The following PRMT8 variants were observed in gnomAD, a reference collection of about 807,000 sequenced individuals.
The protein encoded by PRMT8 is protein arginine methyltransferase 8.
PRMT8 carries 7 observed loss-of-function variants against 47.1 expected under a neutral mutation model. The ratio of observed to expected loss-of-function variants is 0.15; its 90% CI spans 0.08 to 0.28. PRMT8 has a LOEUF of 0.28. PRMT8 is among the 10% of genes least tolerant of loss of function. The pLI is 1.00. For missense variants in PRMT8, 237 were observed against 505.4 expected (o/e 0.47, Z 5.09); for synonymous variants, 188 against 186.5 (o/e 1.01, Z -0.07).
At chr12:3,558,547 G>C (rs1161757844) in intron 4 of PRMT8, among the ~76,000 whole-genome samples, 1 of 152,206 alleles carries the variant, frequency 6.6e-6, no homozygotes, top group Non-Finnish European at 1.5e-5. Context: ...ATTTCGTTCA[G>C]AATGACACGT....
At chr12:3,506,395 A>C (rs1865625047) in intron 1 of PRMT8, among the ~76,000 whole-genome samples, 1 of 152,234 alleles carries the variant, frequency 6.6e-6, no homozygotes, top group Non-Finnish European at 1.5e-5. Flanking sequence ...GCACTGGAAG[A>C]GACGGGAGCA....
chr12:3,440,480 A>AAACAG (rs113481712), intron 1 of PRMT8, among the ~76,000 whole-genome samples: 3,087 of 151,472 alleles, frequency 0.02, 116 homozygotes, highest in African/African-American at 0.068. Context: ...AAACAAAACA[A>AAACAG]AACAAAACAA....
intron 1 of PRMT8, among the ~76,000 whole-genome samples, chr12:3,529,370 T>A (rs2137151144): frequency 6.6e-6 from 1 of 152,344 alleles, no homozygotes; most frequent in African/African-American, 2.4e-5. Flanking sequence ...TTCTTATCTT[T>A]TATCTGTTTT....
At chr12:3,477,752 C>T (rs1168452590) in intron 1 of PRMT8, among the ~76,000 whole-genome samples, 1 of 152,154 alleles carries the variant, frequency 6.6e-6, no homozygotes, top group Non-Finnish European at 1.5e-5. Context: ...TGCTCCTGTA[C>T]CCGAATGGGC....
intron 1 of PRMT8, among the ~76,000 whole-genome samples, chr12:3,388,041 T>TTTCCTTCCTTCC (rs779899991): frequency 0.059 from 7,987 of 135,966 alleles, 345 homozygotes; most frequent in African/African-American, 0.073. Flanking sequence ...TTTCTCCTTC[T>TTTCCTTCCTTCC]TTCCTTCCTT....
chr12:3,492,423 G>A lies in PRMT8; in HGVS notation c.75+723G>A, dbSNP rs1213495878. 6.6e-6 allele frequency among the ~76,000 whole-genome samples: 1 copy of A among 152,208 alleles called. No homozygotes were observed. The highest frequency in any genetic ancestry group is 6.5e-5 in the Admixed American group (1 of 15,286). ...CCCCTGCAGCAGCCGAGCCTGCGCGGACTGTGGGGGCTGCGCGCCGCCGGC... is the reference window on the plus strand; with the variant it reads ...CCCCTGCAGCAGCCGAGCCTGCGCGAACTGTGGGGGCTGCGCGCCGCCGGC... On this transcript the variant is annotated intron_variant, in intron 1 of 9. Coordinates refer to ENST00000382622, the MANE Select transcript of PRMT8 (RefSeq NM_019854.5). This position sits in a 1 kb window ranked among gnomAD's most constrained non-coding sequence, Gnocchi z 7.5.
chr12:3,390,716 T>C (rs1456672554), intron 1 of PRMT8, among the ~76,000 whole-genome samples: 1 of 152,228 alleles, frequency 6.6e-6, no homozygotes, highest in Non-Finnish European at 1.5e-5. Flanking sequence ...AAATTGCCTC[T>C]TAGTCCCAGG....
At chr12:3,489,825 ACACACACACG>A (rs759419051), upstream of PRMT8, among the ~76,000 whole-genome samples, 41 of 143,158 alleles carry the variant, frequency 2.9e-4, no homozygotes, top group Admixed American at 1.4e-3. Context: ...ACACACACAC[ACACACACACG>A]CGCGCACACA....
intron 1 of PRMT8, among the ~76,000 whole-genome samples, chr12:3,430,400 G>T (rs1382907015): frequency 6.6e-6 from 1 of 152,138 alleles, no homozygotes; most frequent in Admixed American, 6.5e-5. Flanking sequence ...CAGAAATTGG[G>T]CATAAGACAA....
At chr12:3,489,806 TTC>T (rs1865356832), upstream of PRMT8, among the ~76,000 whole-genome samples, 1 of 110,314 alleles carries the variant, frequency 9.1e-6, no homozygotes, top group African/African-American at 3.6e-5. Context: ...TATTCAAGTT[TTC>T]ACACACACAC....
At chr12:3,556,673 T>TA (rs77853953) in intron 4 of PRMT8, among the ~76,000 whole-genome samples, 24 of 150,528 alleles carry the variant, frequency 1.6e-4, no homozygotes, top group Non-Finnish European at 1.9e-4. Flanking sequence ...GAAGTTTTTT[T>TA]AAAAAAAAAA....
At chr12:3,417,656 A>C (rs1360084611) in intron 1 of PRMT8, among the ~76,000 whole-genome samples, 1 of 152,168 alleles carries the variant, frequency 6.6e-6, no homozygotes, top group Non-Finnish European at 1.5e-5. Context: ...TATGACCTGT[A>C]CTCAGGAACT....
At chr12:3,485,192 C>G (rs1865311071) in intron 1 of PRMT8, among the ~76,000 whole-genome samples, 1 of 152,180 alleles carries the variant, frequency 6.6e-6, no homozygotes. Flanking sequence ...GTAAAGACCT[C>G]TCGGAAAGAA....
chr12:3,568,808 C>A lies in PRMT8; in HGVS notation c.584C>A (p.Ser195Tyr), dbSNP rs925562484. 1 of 1,614,172 alleles carries A rather than the reference C, an allele frequency of 6.2e-7. No individual in the cohort carries two copies. Among genetic ancestry groups the A allele is most frequent in the African/African-American group, 1.3e-5 (1 of 75,034 alleles). ...ATGGGCTACTGTCTGTTCTATGAGTCCATGCTCAACACGGTGATCTTTGCC... is the reference window on the plus strand; with the variant it reads ...ATGGGCTACTGTCTGTTCTATGAGTACATGCTCAACACGGTGATCTTTGCC... ...EWMGYCLFYE[S>Y]MLNTVIFARD... is the part of the protein sequence containing the mutation. The change falls in exon 5 of 10, where the codon TCC (serine) becomes TAC (tyrosine). Residue 195 changes from serine to tyrosine, a missense_variant. This residue lies in a region of PRMT8 where 151 missense variants were observed against 341.1 expected (regional missense o/e 0.44). Coordinates refer to ENST00000382622, the MANE Select transcript of PRMT8 (RefSeq NM_019854.5).
chr12:3,494,057 G>A lies in PRMT8; in HGVS notation c.75+2357G>A, dbSNP rs73041398. On this transcript the variant is annotated intron_variant, in intron 1 of 9. Coordinates refer to ENST00000382622, the MANE Select transcript of PRMT8 (RefSeq NM_019854.5). The stretch of plus-strand genomic sequence containing the variant: ...CTAGAGCAGCACTTCCAAAAGTGGG[G>A]TGTTGTGGACTTGCCTGCATTTATG... Among the ~76,000 whole-genome samples, 975 of 152,340 alleles carry A rather than the reference G, an allele frequency of 6.4e-3. 5 individuals are homozygous for A. Among genetic ancestry groups the A allele is most frequent in the Non-Finnish European group, 0.011 (738 of 68,030 alleles).
chr12:3,578,015 A>G (rs1179652473), intron 7 of PRMT8, among the ~76,000 whole-genome samples: 1 of 152,192 alleles, frequency 6.6e-6, no homozygotes, highest in Admixed American at 6.5e-5. Flanking sequence ...TTTTGTATGC[A>G]TTTGCATTAT....
chr12:3,510,557 T>G (rs557772135), intron 1 of PRMT8, among the ~76,000 whole-genome samples: 13 of 152,272 alleles, frequency 8.5e-5, no homozygotes, highest in African/African-American at 3.1e-4. Context: ...ATGAAAAAAT[T>G]AAATTGAATT....
chr12:3,439,200 T>C (rs1472267619), intron 1 of PRMT8, among the ~76,000 whole-genome samples: 1 of 152,258 alleles, frequency 6.6e-6, no homozygotes, highest in African/African-American at 2.4e-5. Context: ...TCTAACTCTG[T>C]TCTATATTTT....
chr12:3,589,972 T>C (rs1196385080), intron 8 of PRMT8, among the ~76,000 whole-genome samples: 1 of 152,188 alleles, frequency 6.6e-6, no homozygotes, highest in East Asian at 1.9e-4. Flanking sequence ...AGTCATACAC[T>C]GACAGTCTCC....
Sources: allele counts gnomAD v4.1 joint callset (sites outside exome capture counted in the v4.1 genomes callset), GRCh38; gene constraint gnomAD v4.1.1; regional missense constraint gnomAD v4.1.1; non-coding constraint Gnocchi (gnomAD v3.1); transcripts MANE v1.5; gene names NCBI Gene and HGNC (gene_info 2026-07-23, HGNC 2026-07-21).